Variants in EPM2A observed in about 807,000 individuals in gnomAD.
The protein encoded by EPM2A is laforin.
In EPM2A, 21 loss-of-function variants were observed where a neutral mutation model predicts 26.5. The ratio of observed to expected loss-of-function variants is 0.79; its 90% confidence interval spans 0.56 to 1.14. The LOEUF (loss-of-function observed/expected upper bound fraction) is 1.14. EPM2A is among the 50% of genes most tolerant of loss of function. The probability of loss-of-function intolerance (pLI) is 0.00; values close to 1 mark genes in which losing one functional copy is unlikely to be tolerated. For synonymous variants in EPM2A, 217 were observed against 177.6 expected (o/e 1.22, Z -1.76); for missense variants, 458 against 440.8 (o/e 1.04, Z -0.35).
chr6:145,496,470 T>C (rs1454649869), intron 4 of EPM2A, among the ~76,000 whole-genome samples: 2 of 152,192 alleles, frequency 1.3e-5, no homozygotes, highest in Non-Finnish European at 2.9e-5. Flanking sequence ...CACCAATCAG[T>C]TGTAGATTAA....
intron 2 of EPM2A, among the ~76,000 whole-genome samples, chr6:145,529,449 G>A (rs1780323927): frequency 6.6e-6 from 1 of 152,100 alleles, no homozygotes; most frequent in Non-Finnish European, 1.5e-5. Flanking sequence ...TCAACACTGA[G>A]GCAAGATCCT....
At chr6:145,577,893 G>A (rs1450106781) in intron 2 of EPM2A, among the ~76,000 whole-genome samples, 2 of 151,970 alleles carry the variant, frequency 1.3e-5, no homozygotes, top group Admixed American at 6.6e-5. Context: ...TCAATAACAA[G>A]AGGAACTTTG....
At chr6:145,515,561 TAGA>T (rs1295570752) in intron 2 of EPM2A, among the ~76,000 whole-genome samples, 1 of 152,124 alleles carries the variant, frequency 6.6e-6, no homozygotes, top group Non-Finnish European at 1.5e-5. Context: ...CCTCACATGG[TAGA>T]AGGAGTGAAG....
At chr6:145,429,951 C>T (rs1272673805) in intron 4 of EPM2A, among the ~76,000 whole-genome samples, 2 of 152,180 alleles carry the variant, frequency 1.3e-5, no homozygotes, top group African/African-American at 4.8e-5. Context: ...AATCCCAGCA[C>T]TCTGAGAGGC....
chr6:145,672,054 T>C (rs1779682169), intron 2 of EPM2A, among the ~76,000 whole-genome samples: 1 of 152,202 alleles, frequency 6.6e-6, no homozygotes, highest in Admixed American at 6.5e-5. Flanking sequence ...AATAATTCTA[T>C]TGAAGAGGGT....
chr6:145,680,986 G>C (rs1395710671), intron 2 of EPM2A, among the ~76,000 whole-genome samples: 1 of 151,590 alleles, frequency 6.6e-6, no homozygotes, highest in African/African-American at 2.4e-5. Flanking sequence ...CACAAGGGTT[G>C]AACTAGTTTA....
chr6:145,629,535 G>C (rs752434157), intron 3 of EPM2A: 8 of 152,248 alleles, frequency 5.3e-5, no homozygotes, highest in Non-Finnish European at 1.0e-4. Context: ...ATTTGCGCTG[G>C]GGGATCAGAG....
intron 2 of EPM2A, among the ~76,000 whole-genome samples, chr6:145,563,777 C>T (rs1419081313): frequency 6.6e-6 from 1 of 152,126 alleles, no homozygotes; most frequent in Non-Finnish European, 1.5e-5. Flanking sequence ...TTTCCCACCT[C>T]ACCCCCACCC....
intron 2 of EPM2A, among the ~76,000 whole-genome samples, chr6:145,503,190 T>A (rs1035994204): frequency 6.6e-6 from 1 of 152,172 alleles, no homozygotes; most frequent in African/African-American, 2.4e-5. Context: ...TCTTTTCAGG[T>A]CTATTTATTA....
At chr6:145,698,236 C>A (rs1781722367) in intron 1 of EPM2A, among the ~76,000 whole-genome samples, 1 of 152,158 alleles carries the variant, frequency 6.6e-6, no homozygotes, top group Non-Finnish European at 1.5e-5. Flanking sequence ...GACAAAGGTC[C>A]TTGAGACATT....
intron 3 of EPM2A, chr6:145,631,540 A>T (rs1776251204): frequency 6.6e-6 from 1 of 152,204 alleles, no homozygotes; most frequent in Non-Finnish European, 1.5e-5. Flanking sequence ...CATTAAGTCC[A>T]TGAATAAACA....
At chr6:145,659,395 T>C (rs1219227689) in intron 2 of EPM2A, among the ~76,000 whole-genome samples, 1 of 152,216 alleles carries the variant, frequency 6.6e-6, no homozygotes, top group Non-Finnish European at 1.5e-5. Flanking sequence ...GCTTTTTCTG[T>C]ACTTCAACAG....
At chr6:145,398,198 T>G (rs992698056) in intron 4 of EPM2A, among the ~76,000 whole-genome samples, 6 of 152,198 alleles carry the variant, frequency 3.9e-5, no homozygotes, top group Admixed American at 3.9e-4. Flanking sequence ...CTCCCTCTTC[T>G]GCAACAGTCA....
intron 4 of EPM2A, among the ~76,000 whole-genome samples, chr6:145,471,714 G>C (rs1779475995): frequency 1.3e-5 from 2 of 152,186 alleles, no homozygotes; most frequent in Admixed American, 1.3e-4. Flanking sequence ...ATCAGCCCTA[G>C]TCAGCAGAGA....
At chr6:145,577,318 T>C (rs6925594) in intron 2 of EPM2A, among the ~76,000 whole-genome samples, 64,375 of 146,396 alleles carry the variant, frequency 0.44, 14,365 homozygotes, top group African/African-American at 0.53. Context: ...TAAAGACACA[T>C]AGACTGAAAA....
intron 4 of EPM2A, among the ~76,000 whole-genome samples, chr6:145,496,359 T>C (rs1582799332): frequency 6.6e-6 from 1 of 152,352 alleles, no homozygotes; most frequent in East Asian, 1.9e-4. Context: ...TTTTCGGAAT[T>C]TGAATCTTGG....
intron 4 of EPM2A, among the ~76,000 whole-genome samples, chr6:145,438,469 ATTTTTTTT>A (rs68038397): frequency 3.4e-5 from 4 of 117,238 alleles, no homozygotes; most frequent in African/African-American, 1.2e-4. Flanking sequence ...GAAGGGAATA[ATTTTTTTT>A]TTTTTTTTTT....
At chr6:145,468,001 A>G (rs528601595) in intron 4 of EPM2A, among the ~76,000 whole-genome samples, 1 of 152,106 alleles carries the variant, frequency 6.6e-6, no homozygotes, top group Admixed American at 6.6e-5. Flanking sequence ...CACATTTTAT[A>G]CAAAATATAT....
At chr6:145,488,522 T>TGTGTGAGA (rs1201742298) in intron 4 of EPM2A, among the ~76,000 whole-genome samples, 11 of 140,004 alleles carry the variant, frequency 7.9e-5, no homozygotes, top group African/African-American at 2.8e-4. Flanking sequence ...TGTGTGTGTG[T>TGTGTGAGA]GAGAGAGAGA....
Sources: gnomAD v4.1 joint callset for allele counts (sites outside exome capture counted in the v4.1 genomes callset) on GRCh38, gnomAD v4.1.1 for gene constraint, MANE v1.5 for transcripts, NCBI Gene and HGNC (gene_info 2026-07-23, HGNC 2026-07-21) for gene names.